Variants in SPATA13 observed in about 807,000 individuals in gnomAD.
The protein encoded by SPATA13 is spermatogenesis-associated protein 13.
SPATA13 carries 50 observed loss-of-function variants against 104.0 expected under a neutral mutation model. That is an observed-to-expected ratio of 0.48 (90% confidence interval 0.38 to 0.61). SPATA13 has a LOEUF of 0.61. Among genes scored for constraint, SPATA13 ranks in the 20% least tolerant of loss-of-function variants. SPATA13 has a pLI of 0.00. For missense variants in SPATA13, 1,524 were observed against 1,690.6 expected (o/e 0.90, Z 1.73); for synonymous variants, 606 against 667.5 (o/e 0.91, Z 1.42).
intron 9 of SPATA13, among the ~76,000 whole-genome samples, chr13:24,291,130 C>T (rs185471284): frequency 4.9e-4 from 74 of 152,306 alleles, no homozygotes; most frequent in Middle Eastern, 3.4e-3. Context: ...AGCTGTGCCA[C>T]GAGTGCATGG....
At chr13:24,081,232 C>CT (rs1879505544) in intron 3 of SPATA13, among the ~76,000 whole-genome samples, 1 of 152,146 alleles carries the variant, frequency 6.6e-6, no homozygotes, top group African/African-American at 2.4e-5. Flanking sequence ...GAGACCACCA[C>CT]TTTTTTGGTT....
At chr13:24,247,452 A>C in intron 2 of SPATA13, among the ~76,000 whole-genome samples, 1 of 138,584 alleles carries the variant, frequency 7.2e-6, no homozygotes, top group South Asian at 2.4e-4. Flanking sequence ...TATAAACCCC[A>C]CACTGTGCTC....
At chr13:24,197,907 C>T (rs1413040209) in intron 1 of SPATA13, among the ~76,000 whole-genome samples, 2 of 152,092 alleles carry the variant, frequency 1.3e-5, no homozygotes, top group Admixed American at 6.6e-5. Context: ...ATGAAGTCCC[C>T]CAAGAAACAT....
rs1873519698 is a variant in SPATA13 at position 24,251,985 on chromosome 13, G to A, written c.2164+123G>A. 6.6e-6 allele frequency: 8 copies of A among 1,212,464 alleles called. 1 individual carries two copies. In the South Asian group the frequency reaches 1.3e-4, roughly 19 times the overall value. The allele number at this position is 1,212,464 out of a possible 1,614,324, so 75.1% of individuals were successfully genotyped here. ...CTTGGGCCAGGGCGCGTTTGTCTGG[G>A]AGTGAGGACGGCTCATCTCAGGAGA... On this transcript the variant is annotated intron_variant, in intron 4 of 12. Transcript: ENST00000382108.
chr13:24,191,306 T>A (rs1869727911), intron 1 of SPATA13, among the ~76,000 whole-genome samples: 2 of 152,028 alleles, frequency 1.3e-5, no homozygotes, highest in Non-Finnish European at 2.9e-5. Flanking sequence ...GTACATTTTT[T>A]TCAAACATAA....
At chr13:24,166,633 C>T (rs1882743052) in intron 1 of SPATA13, among the ~76,000 whole-genome samples, 1 of 152,158 alleles carries the variant, frequency 6.6e-6, no homozygotes, top group Non-Finnish European at 1.5e-5. Flanking sequence ...TCTAGGGCTC[C>T]CACCAGACCT....
At chr13:24,266,975 T>A (rs7337335) in intron 4 of SPATA13, among the ~76,000 whole-genome samples, 2 of 152,186 alleles carry the variant, frequency 1.3e-5, no homozygotes, top group African/African-American at 4.8e-5. Context: ...TAAGACTTCT[T>A]TGAACTATGG....
At chr13:24,209,223 A>G (rs1464651519) in intron 1 of SPATA13, among the ~76,000 whole-genome samples, 1 of 152,246 alleles carries the variant, frequency 6.6e-6, no homozygotes, top group African/African-American at 2.4e-5. Flanking sequence ...TATCAAGAGT[A>G]GATATTTTAA....
chr13:24,289,030 G>A lies in SPATA13; in HGVS notation c.2699G>A (p.Gly900Glu), dbSNP rs1876150524. The change falls in exon 8 of 13, where the codon GGA becomes GAA. Residue 900 changes from glycine (G) to glutamate (E), a missense_variant. Transcript: ENST00000382108. ...GYIRQCRKHT[G>E]MFTVAQLATI... ...ATCCGACAGTGCCGCAAGCACACAG[G>A]AATGTTCACCGTTGCGCAGCTAGCC... is the stretch of plus-strand genomic sequence containing the variant. 6.2e-7 allele frequency: 1 copy of A among 1,612,872 alleles called. No individual in the cohort carries two copies. Among genetic ancestry groups the A allele is most frequent in the South Asian group, 1.1e-5 (1 of 90,780 alleles).
chr13:24,042,491 A>G (rs780121557), intron 3 of SPATA13, among the ~76,000 whole-genome samples: 12 of 152,220 alleles, frequency 7.9e-5, no homozygotes, highest in Non-Finnish European at 1.6e-4. Flanking sequence ...GATCCTCACG[A>G]GTCACTGAGA....
chr13:23,999,368 CA>C (rs34668799), intron 2 of SPATA13, among the ~76,000 whole-genome samples: 10,781 of 93,208 alleles, frequency 0.12, 390 homozygotes, highest in Middle Eastern at 0.21. Flanking sequence ...CATTTTCTAC[CA>C]AAAAAAAAAA....
chr13:24,003,740 T>G (rs1183089491), intron 2 of SPATA13, among the ~76,000 whole-genome samples: 9 of 152,374 alleles, frequency 5.9e-5, no homozygotes, highest in Non-Finnish European at 1.3e-4. Flanking sequence ...GCAAAAGTAT[T>G]TGTCTTTACG....
At chr13:24,227,284 A>T (rs538203512) in intron 2 of SPATA13, among the ~76,000 whole-genome samples, 89 of 152,308 alleles carry the variant, frequency 5.8e-4, no homozygotes, top group African/African-American at 2.0e-3. Flanking sequence ...TTATTTTTTT[A>T]AAAATCATTG....
At chr13:24,198,469 C>CA (rs773722281) in intron 1 of SPATA13, among the ~76,000 whole-genome samples, 102 of 152,136 alleles carry the variant, frequency 6.7e-4, no homozygotes, top group Non-Finnish European at 1.3e-3. Context: ...TAGAGGTCTC[C>CA]AAAACCCTTT....
chr13:24,145,455 CTGAT>C (rs1881898942), intron 3 of SPATA13, among the ~76,000 whole-genome samples: 1 of 152,168 alleles, frequency 6.6e-6, no homozygotes, highest in African/African-American at 2.4e-5. Flanking sequence ...GCACGTTCCT[CTGAT>C]TGTTCTCAGT....
Position 24,189,881 on chromosome 13 carries a change from ATC to A in SPATA13, c.-112+28950_-112+28951del, listed in dbSNP as rs1204151639. 2.9e-4 allele frequency among the ~76,000 whole-genome samples: 9 copies of A among 31,210 alleles called. 2 individuals carry two copies. The highest frequency in any genetic ancestry group is 8.2e-4 in the Non-Finnish European group (8 of 9,794). The allele number at this position is 31,210 out of a possible 152,430, so 20.5% of individuals were successfully genotyped here. On this transcript the variant is annotated intron_variant, in intron 1 of 12. Coordinates refer to ENST00000382108, the MANE Select transcript of SPATA13 (RefSeq NM_001166271.3). ...TATATCATATATAATATAATTATAT[ATC>A]ATAATATATATTATATAATTATATT...
At chr13:24,132,236 C>T (rs1328711696) in intron 3 of SPATA13, among the ~76,000 whole-genome samples, 2 of 152,242 alleles carry the variant, frequency 1.3e-5, no homozygotes, top group African/African-American at 4.8e-5. Context: ...AAACTGATCA[C>T]ACTGCAGAGC....
chr13:23,992,362 G>A (rs1875453842), intron 2 of SPATA13, among the ~76,000 whole-genome samples: 1 of 152,170 alleles, frequency 6.6e-6, no homozygotes, highest in Non-Finnish European at 1.5e-5. Context: ...ATTAGTTAGG[G>A]TGATACTAAG....
chr13:24,129,235 G>A (rs1881319654), intron 3 of SPATA13, among the ~76,000 whole-genome samples: 1 of 152,234 alleles, frequency 6.6e-6, no homozygotes, highest in South Asian at 2.1e-4. Flanking sequence ...AATGCTGGGG[G>A]TCAGAGGAGC....
Sources: allele counts gnomAD v4.1 joint callset (sites outside exome capture counted in the v4.1 genomes callset), GRCh38; gene constraint gnomAD v4.1.1; transcripts MANE v1.5; gene names NCBI Gene and HGNC (gene_info 2026-07-23, HGNC 2026-07-21).